CTIF: variants seen among roughly 807,000 people sequenced by gnomAD.
The protein encoded by CTIF is CBP80/20-dependent translation initiation factor.
CTIF carries 21 observed loss-of-function variants against 66.0 expected under a neutral mutation model. The observed-to-expected ratio is 0.32, with a 90% CI of 0.23 to 0.46. CTIF has a LOEUF of 0.46. Among genes scored for constraint, CTIF ranks in the 20% least tolerant of loss-of-function variants. The pLI, the probability that CTIF is intolerant of heterozygous loss-of-function variation, is 1.00. For missense variants in CTIF, 739 were observed against 812.7 expected (o/e 0.91, Z 1.10); for synonymous variants, 345 against 326.4 (o/e 1.06, Z -0.62).
intron 1 of CTIF, among the ~76,000 whole-genome samples, chr18:48,587,845 A>G (rs2089805259): frequency 6.6e-6 from 1 of 152,166 alleles, no homozygotes; most frequent in Non-Finnish European, 1.5e-5. Flanking sequence ...GCATTCCATC[A>G]AATTTCTACC....
chr18:48,626,803 C>T (rs567697473), intron 2 of CTIF, among the ~76,000 whole-genome samples: 24 of 152,030 alleles, frequency 1.6e-4, no homozygotes, highest in African/African-American at 5.3e-4. Context: ...TTACAGGTGC[C>T]TGCCACCATG....
chr18:48,596,943 C>T (rs1283990188), intron 1 of CTIF, among the ~76,000 whole-genome samples: 1 of 152,208 alleles, frequency 6.6e-6, no homozygotes, highest in Admixed American at 6.5e-5. Context: ...CCAGATTCAA[C>T]TAGCAGTGAC....
chr18:48,762,832 G>A (rs780099019), intron 9 of CTIF, among the ~76,000 whole-genome samples: 9 of 152,346 alleles, frequency 5.9e-5, no homozygotes, highest in Middle Eastern at 3.4e-3. Flanking sequence ...TAAAAGCTGG[G>A]AGGAAGTTGC....
In CTIF at chr18:48,712,890, G is replaced by C. The variant is rs752600337; in HGVS notation, c.584+1195G>C. The stretch of plus-strand genomic sequence containing the variant: ...ATCCACTGGTGGATTAAGTGGATCT[G>C]AACACATTCACAGAGGATGGCAAAT... On this transcript the variant is annotated intron_variant, in intron 7 of 11. Coordinates refer to ENST00000256413, the MANE Select transcript of CTIF (RefSeq NM_014772.3). Among the ~76,000 whole-genome samples, 4 of 152,204 alleles carry C rather than the reference G, an allele frequency of 2.6e-5. 1 individual carries two copies. Among genetic ancestry groups the C allele is most frequent in the South Asian group, 4.1e-4 (2 of 4,830 alleles).
intron 6 of CTIF, among the ~76,000 whole-genome samples, chr18:48,689,254 T>C (rs2091890078): frequency 6.6e-6 from 1 of 152,230 alleles, no homozygotes; most frequent in Non-Finnish European, 1.5e-5. Context: ...ACATGGCGAC[T>C]TTTTGCAAAT....
chr18:48,780,683 C>A (rs1397661663), intron 9 of CTIF, among the ~76,000 whole-genome samples: 1 of 152,236 alleles, frequency 6.6e-6, no homozygotes, highest in African/African-American at 2.4e-5. Flanking sequence ...GCTGGGCTGT[C>A]TCAGCCACTC....
chr18:48,792,284 C>T (rs566822006), intron 9 of CTIF, among the ~76,000 whole-genome samples: 1 of 138,482 alleles, frequency 7.2e-6, no homozygotes, highest in Non-Finnish European at 1.5e-5. Context: ...GGGAGAACTG[C>T]AAGAAGTCCA....
At chr18:48,726,551 A>T (rs2092389082) in intron 7 of CTIF, among the ~76,000 whole-genome samples, 1 of 152,162 alleles carries the variant, frequency 6.6e-6, no homozygotes, top group South Asian at 2.1e-4. Flanking sequence ...GGCAGTTCTC[A>T]GTTTCTCATT....
At chr18:48,618,963 C>T (rs2090445213) in intron 1 of CTIF, among the ~76,000 whole-genome samples, 1 of 152,192 alleles carries the variant, frequency 6.6e-6, no homozygotes, top group Admixed American at 6.5e-5. Flanking sequence ...AGTAGCTGCA[C>T]CAGAGCAAGG....
At chr18:48,829,634 G>T (rs1165886800) in intron 10 of CTIF, among the ~76,000 whole-genome samples, 1 of 152,306 alleles carries the variant, frequency 6.6e-6, no homozygotes, top group South Asian at 2.1e-4. Flanking sequence ...TTGGGGTGCC[G>T]AGTGCTGGAC....
intron 9 of CTIF, among the ~76,000 whole-genome samples, chr18:48,803,093 TC>T (rs1283941460): frequency 6.6e-6 from 1 of 152,198 alleles, no homozygotes; most frequent in African/African-American, 2.4e-5. Flanking sequence ...TCCCCCCGCC[TC>T]CCTGTCCCCT....
At chr18:48,755,059 C>T (rs142932556) in intron 7 of CTIF, among the ~76,000 whole-genome samples, 5 of 152,204 alleles carry the variant, frequency 3.3e-5, no homozygotes, top group African/African-American at 4.8e-5. Flanking sequence ...AGTTTCAAGA[C>T]GGATGTTGGG....
At chr18:48,652,135 G>C (rs2091165874) in intron 3 of CTIF, among the ~76,000 whole-genome samples, 4 of 152,190 alleles carry the variant, frequency 2.6e-5, no homozygotes, top group Admixed American at 2.0e-4. Context: ...ACTAAGATCA[G>C]AGCAGAACTG....
intron 3 of CTIF, among the ~76,000 whole-genome samples, chr18:48,642,367 T>A (rs2090950738): frequency 6.6e-6 from 1 of 152,126 alleles, no homozygotes; most frequent in Non-Finnish European, 1.5e-5. Flanking sequence ...GCCTGACCTA[T>A]GCCTTTGGGA....
At chr18:48,799,789 T>C (rs2068010093) in intron 9 of CTIF, among the ~76,000 whole-genome samples, 1 of 152,178 alleles carries the variant, frequency 6.6e-6, no homozygotes, top group Admixed American at 6.5e-5. Flanking sequence ...AGATACACAC[T>C]GAGGGCCTCC....
intron 9 of CTIF, among the ~76,000 whole-genome samples, chr18:48,781,543 G>A (rs949447170): frequency 1.1e-4 from 16 of 152,190 alleles, no homozygotes; most frequent in Admixed American, 7.8e-4. Flanking sequence ...GCCGGCGAGG[G>A]TGGCTGGAGC....
At chr18:48,846,401 G>A (rs560017118) in intron 10 of CTIF, among the ~76,000 whole-genome samples, 6 of 152,246 alleles carry the variant, frequency 3.9e-5, no homozygotes, top group Admixed American at 6.5e-5. Context: ...CTGTACTTAC[G>A]TAGCATTTAA....
chr18:48,830,548 A>C (rs907638379), intron 10 of CTIF, among the ~76,000 whole-genome samples: 1 of 152,164 alleles, frequency 6.6e-6, no homozygotes, highest in Non-Finnish European at 1.5e-5. Context: ...CCAAAAAACA[A>C]AGACATGAAA....
chr18:48,840,325 C>T (rs570159529), intron 10 of CTIF, among the ~76,000 whole-genome samples: 4 of 152,266 alleles, frequency 2.6e-5, no homozygotes, highest in South Asian at 2.1e-4. Context: ...CCCAGCGAGC[C>T]GCCTGAATGC....
Sources: gnomAD v4.1 joint callset for allele counts (sites outside exome capture counted in the v4.1 genomes callset) on GRCh38, gnomAD v4.1.1 for gene constraint, MANE v1.5 for transcripts, NCBI Gene and HGNC (gene_info 2026-07-23, HGNC 2026-07-21) for gene names.